The following AHR variants were observed in gnomAD, a reference collection of about 807,000 sequenced individuals.
AHR encodes the protein AH-receptor.
Under a neutral mutation model 86.8 loss-of-function variants are expected in AHR, and 40 were observed. The observed-to-expected ratio is 0.46, with a 90% CI of 0.36 to 0.60. AHR has a LOEUF of 0.60. Ranked by LOEUF, AHR falls within the 20% of genes least tolerant of loss-of-function variation. The pLI is 0.00. For synonymous variants in AHR, 398 were observed against 354.9 expected (o/e 1.12, Z -1.37); for missense variants, 1,001 against 1,011.6 (o/e 0.99, Z 0.14).
At chr7:17,308,700 A>AACAC (rs372879452) in intron 1 of AHR, among the ~76,000 whole-genome samples, 240 of 139,584 alleles carry the variant, frequency 1.7e-3, no homozygotes, top group Middle Eastern at 7.2e-3. Flanking sequence ...TACATACATA[A>AACAC]ACACACACAC....
At chr7:17,309,590 C>T (rs1782041493) in intron 1 of AHR, among the ~76,000 whole-genome samples, 1 of 152,152 alleles carries the variant, frequency 6.6e-6, no homozygotes, top group Non-Finnish European at 1.5e-5. Flanking sequence ...ACAAATTTCT[C>T]TTTTTAATTT....
intron 2 of AHR, among the ~76,000 whole-genome samples, chr7:17,314,870 G>A (rs1293405194): frequency 6.6e-6 from 1 of 151,944 alleles, no homozygotes; most frequent in African/African-American, 2.4e-5. Context: ...CATAGCAAAT[G>A]TTATTTCTTA....
chr7:17,299,271 A>T lies in AHR; in HGVS notation c.7A>T (p.Ser3Cys). ...CCGCCGTCGGCTGGGCACCATGAAC[A>T]GCAGCAGCGCCAACATCACCTACGC... MNSSSANITYASR... is the reference protein window; with the variant it reads MNCSSANITYASR... Residue 3 changes from serine to cysteine, a missense_variant, in exon 1 of 11, where the codon AGC (serine) becomes TGC (cysteine). Ser to Cys is a moderately radical substitution (Grantham distance 112). Around this residue, in one of 2 missense-constraint regions of AHR, gnomAD observed 394 missense variants for 468.5 expected, o/e 0.84. Transcript: ENST00000242057. 5 of 1,612,242 alleles carry T rather than the reference A, an allele frequency of 3.1e-6. No homozygotes were observed. The highest frequency in any genetic ancestry group is 4.2e-6 in the Non-Finnish European group (5 of 1,179,636).
At chr7:17,326,889 CAAG>C (rs918484174) in intron 3 of AHR, among the ~76,000 whole-genome samples, 11 of 151,820 alleles carry the variant, frequency 7.2e-5, no homozygotes, top group African/African-American at 2.4e-4. Flanking sequence ...AAATTGAACT[CAAG>C]GAGAAAATAG....
rs1584028198 is a variant in AHR, at chr7:17,303,544, T to C, written c.65+4215T>C. On this transcript the variant is annotated intron_variant, in intron 1 of 10. Coordinates refer to ENST00000242057, the MANE Select transcript of AHR (RefSeq NM_001621.5). ...CCTTTCCTCTTAGAGTCTTTTCTCC[T>C]GTCTTATTGATTTGCTACCCACCTC... 1.3e-5 allele frequency among the ~76,000 whole-genome samples: 2 copies of C among 152,252 alleles called. 1 individual carries two copies. The highest frequency in any genetic ancestry group is 4.1e-4 in the South Asian group (2 of 4,830).
rs150911949 is a variant in AHR at position 17,322,567 on chromosome 7, G to T, written c.320G>T (p.Arg107Ile). Residue 107 changes from arginine (R) to isoleucine (I), a missense_variant, in exon 3 of 11, where the codon AGA (arginine) becomes ATA (isoleucine). Coordinates refer to ENST00000242057, the MANE Select transcript of AHR (RefSeq NM_001621.5). ...GATAACTGTAGAGCAGCAAATTTCA[G>T]AGAAGGCCTGAACTTACAAGAAGGA... ...GQDNCRAANFREGLNLQEGEF... is the reference protein window; with the variant it reads ...GQDNCRAANFIEGLNLQEGEF... 1,285 of 1,612,754 alleles carry T rather than the reference G, an allele frequency of 8.0e-4. No homozygotes were observed. The highest frequency in any genetic ancestry group is 1.1e-3 in the Non-Finnish European group (1,242 of 1,179,074).
intron 8 of AHR, among the ~76,000 whole-genome samples, 171 bp downstream of exon 8, chr7:17,335,167 C>G (rs915478762): frequency 3.3e-5 from 5 of 152,076 alleles, no homozygotes; most frequent in African/African-American, 9.7e-5. Context: ...ATTAACTTGT[C>G]TACACCTGCC....
chr7:17,299,099 G>C lies in AHR; in HGVS notation c.-166G>C, dbSNP rs754979815. ...GCTGCGGAAGCCTGCGTGAGCCGAG[G>C]CGTTGAGGCGCGGCGCCCACGCCAC... On this transcript the variant is annotated 5_prime_UTR_variant, in exon 1 of 11. Coordinates refer to ENST00000242057, the MANE Select transcript of AHR (RefSeq NM_001621.5). 1.5e-6 allele frequency: 1 copy of C among 655,450 alleles called. No homozygotes were observed. The highest frequency in any genetic ancestry group is 1.9e-5 in the African/African-American group (1 of 51,414). The allele number at this position is 655,450 out of a possible 1,614,324, so 40.6% of individuals were successfully genotyped here.
At chr7:17,317,961 A>G (rs528044886) in intron 2 of AHR, among the ~76,000 whole-genome samples, 1 of 152,020 alleles carries the variant, frequency 6.6e-6, no homozygotes, top group South Asian at 2.1e-4. Flanking sequence ...GTGCGTACCA[A>G]TGAGTAACTG....
chr7:17,342,291 C>T (rs1387171441), intron 10 of AHR, among the ~76,000 whole-genome samples: 11 of 152,064 alleles, frequency 7.2e-5, no homozygotes, highest in Non-Finnish European at 1.6e-4. Context: ...AAACCAGATT[C>T]ATTGCAGTGT....
At chr7:17,341,626 G>T (rs1034052598) in intron 10 of AHR, among the ~76,000 whole-genome samples, 4 of 152,122 alleles carry the variant, frequency 2.6e-5, no homozygotes, top group Admixed American at 2.0e-4. Flanking sequence ...ATTGAGATGT[G>T]CTGTGTGAAG....
intron 1 of AHR, among the ~76,000 whole-genome samples, chr7:17,308,450 A>G (rs1388147281): frequency 6.6e-6 from 1 of 152,194 alleles, no homozygotes; most frequent in Non-Finnish European, 1.5e-5. Context: ...TGTGATGGAT[A>G]TAAATAAATA....
rs1782457330 is a variant in AHR, at chr7:17,344,172, G to C, written c.*1108G>C. On this transcript the variant is annotated 3_prime_UTR_variant, in exon 11 of 11. Transcript: ENST00000242057. ...AAACTGTTTTAGACCTATAATCCTTGATAATATATTGTGTTGACTTTATAA... is the reference window on the plus strand; with the variant it reads ...AAACTGTTTTAGACCTATAATCCTTCATAATATATTGTGTTGACTTTATAA... The C allele has an allele frequency of 6.5e-6, 1 of 152,694 alleles. No individual in the cohort carries two copies. The highest frequency in any genetic ancestry group is 2.4e-5 in the African/African-American group (1 of 41,446). The allele number at this position is 152,694 out of a possible 1,614,324, so 9.5% of individuals were successfully genotyped here. A position where few individuals can be genotyped will look rare whatever the true frequency, so the allele number is the denominator to read the frequency against.
At chr7:17,313,070 G>A (rs1181838914) in intron 2 of AHR, among the ~76,000 whole-genome samples, 1 of 152,144 alleles carries the variant, frequency 6.6e-6, no homozygotes, top group East Asian at 1.9e-4. Flanking sequence ...TTCAGCCTAA[G>A]CAGTTTCTTA....
At chr7:17,299,576 C>T (rs945791292) in intron 1 of AHR, among the ~76,000 whole-genome samples, 10 of 152,232 alleles carry the variant, frequency 6.6e-5, no homozygotes, top group African/African-American at 2.4e-4. Flanking sequence ...TGCATACACA[C>T]CCTCTCACAT....
At chr7:17,318,783 A>G (rs1416494465) in intron 2 of AHR, among the ~76,000 whole-genome samples, 1 of 152,184 alleles carries the variant, frequency 6.6e-6, no homozygotes, top group Non-Finnish European at 1.5e-5. Context: ...TGAACAATGC[A>G]TTAATAACAT....
At chr7:17,335,845 G>A in intron 9 of AHR, 59 bp downstream of exon 9, 2 of 1,506,414 alleles carry the variant, frequency 1.3e-6, no homozygotes, top group Non-Finnish European at 1.8e-6. Context: ...CCTCTTATGT[G>A]AAAGCATAAA....
At position 17,334,096 on chromosome 7, in the gene AHR, C is replaced by G. The variant is rs1782329829; in HGVS notation, c.890C>G (p.Pro297Arg). The change falls in exon 7 of 11, where the codon CCT (proline) becomes CGT (arginine). Residue 297 changes from proline to arginine, a missense_variant. Transcript: ENST00000242057. ...FRTKHKLDFT[P>R]IGCDAKGRIV... ...ACCAAACACAAACTAGACTTCACAC[C>G]TATTGGTTGTGATGCCAAGTAAGTG... The G allele has an allele frequency of 6.2e-7, 1 of 1,612,750 alleles. No individual in the cohort carries two copies. Among genetic ancestry groups the G allele is most frequent in the African/African-American group, 1.3e-5 (1 of 74,848 alleles).
intron 2 of AHR, among the ~76,000 whole-genome samples, chr7:17,311,217 A>G (rs770112973): frequency 2.0e-5 from 3 of 152,248 alleles, no homozygotes; most frequent in Non-Finnish European, 4.4e-5. Flanking sequence ...ATATAATTTT[A>G]CTAACCATAG....
Sources: allele counts gnomAD v4.1 joint callset (sites outside exome capture counted in the v4.1 genomes callset), GRCh38; gene constraint gnomAD v4.1.1; regional missense constraint gnomAD v4.1.1; transcripts MANE v1.5; gene names NCBI Gene and HGNC (gene_info 2026-07-23, HGNC 2026-07-21).